Variants in SAMD5 observed in about 807,000 individuals in gnomAD.
SAMD5 encodes sterile alpha motif domain containing 5.
A neutral mutation model predicts 11.3 loss-of-function variants in SAMD5; 13 were observed. The observed-to-expected ratio is 1.15, with a 90% CI of 0.75 to 1.83. The LOEUF (loss-of-function observed/expected upper bound fraction) is 1.83. Ranked by LOEUF, SAMD5 falls within the 40% of genes most tolerant of loss-of-function variation. The pLI, the probability that SAMD5 is intolerant of heterozygous loss-of-function variation, is 0.00. For synonymous variants in SAMD5, 129 were observed against 111.3 expected (o/e 1.16, Z -1.00); for missense variants, 255 against 239.1 (o/e 1.07, Z -0.44).
At chr6:147,837,079 T>C in the SAMD5 span, among the ~76,000 whole-genome samples, 1 of 152,230 alleles carries the variant, frequency 6.6e-6, no homozygotes, top group African/African-American at 2.4e-5. Context: ...TTCCTAGAGA[T>C]AGACTCACAT....
chr6:147,656,917 T>A (rs572783255), intron 1 of SAMD5, among the ~76,000 whole-genome samples: 1 of 152,034 alleles, frequency 6.6e-6, no homozygotes, highest in East Asian at 1.9e-4. Context: ...TGTGTGTGTG[T>A]GTGTGTGTGT....
chr6:147,584,619 G>T (rs73578628), intron 1 of SAMD5, among the ~76,000 whole-genome samples: 3,196 of 152,320 alleles, frequency 0.021, 109 homozygotes, highest in African/African-American at 0.073. Context: ...AGTGCCAGCT[G>T]TAGGTGGCAT....
At chr6:147,795,784 T>A in the SAMD5 span, among the ~76,000 whole-genome samples, 1 of 149,918 alleles carries the variant, frequency 6.7e-6, no homozygotes, top group South Asian at 2.1e-4. Flanking sequence ...GGTATCTCAT[T>A]GTGGTTTTGA....
the SAMD5 span, among the ~76,000 whole-genome samples, chr6:147,859,233 G>A: frequency 1.1e-4 from 16 of 152,164 alleles, no homozygotes; most frequent in African/African-American, 3.4e-4. Flanking sequence ...ATAGGGGGAC[G>A]TGATTTACTA....
intron 1 of SAMD5, among the ~76,000 whole-genome samples, chr6:147,640,326 C>CAA (rs752696622): frequency 4.3e-4 from 52 of 121,736 alleles, no homozygotes; most frequent in African/African-American, 1.5e-3. Flanking sequence ...GACTTCATCT[C>CAA]AAAAAAAAAA....
chr6:147,566,190 T>C lies in SAMD5; in HGVS notation c.*1734T>C, dbSNP rs1789037475. 2 of 977,864 alleles carry C rather than the reference T, an allele frequency of 2.0e-6. No homozygotes were observed. The highest frequency in any genetic ancestry group is 2.4e-6 in the Non-Finnish European group (2 of 823,124). The allele number at this position is 977,864 out of a possible 1,614,324, so 60.6% of individuals were successfully genotyped here. On this transcript the variant is annotated 3_prime_UTR_variant, in exon 2 of 2. Coordinates refer to ENST00000367474, the MANE Select transcript of SAMD5 (RefSeq NM_001030060.3). ...AATCAGTCTCATTATCATATACAAA[T>C]GTAAGGAAGTTAAATTTTAAAAGCA... is the stretch of plus-strand genomic sequence containing the variant.
chr6:147,839,365 A>C, the SAMD5 span, among the ~76,000 whole-genome samples: 3,073 of 152,362 alleles, frequency 0.02, 60 homozygotes, highest in Non-Finnish European at 0.032. Flanking sequence ...AAATAAATCT[A>C]ATATAATGTT....
At chr6:147,726,369 ATTATT>A (rs1400885550) in intron 1 of SAMD5, among the ~76,000 whole-genome samples, 3 of 152,238 alleles carry the variant, frequency 2.0e-5, no homozygotes, top group Non-Finnish European at 4.4e-5. Context: ...ATTTACGTAT[ATTATT>A]TTATTCCTTA....
chr6:147,805,129 G>T, the SAMD5 span, among the ~76,000 whole-genome samples: 5 of 152,208 alleles, frequency 3.3e-5, no homozygotes, highest in African/African-American at 4.8e-5. Flanking sequence ...AGGAGAATCA[G>T]TTGTATGTAG....
the SAMD5 span, among the ~76,000 whole-genome samples, chr6:147,928,354 G>A: frequency 1.3e-5 from 2 of 152,046 alleles, no homozygotes; most frequent in Admixed American, 6.5e-5. Context: ...GCTCATTATT[G>A]GTCTGTTCAG....
the SAMD5 span, among the ~76,000 whole-genome samples, chr6:147,833,067 A>G: frequency 6.6e-6 from 1 of 152,216 alleles, no homozygotes; most frequent in African/African-American, 2.4e-5. Context: ...TGAAACTGAA[A>G]TCCCAGTGCC....
the SAMD5 span, among the ~76,000 whole-genome samples, chr6:147,844,782 T>C: frequency 6.6e-6 from 1 of 152,228 alleles, no homozygotes; most frequent in East Asian, 1.9e-4. Context: ...ATGATCTCAC[T>C]TATGTGAATC....
At chr6:147,778,268 T>C in the SAMD5 span, among the ~76,000 whole-genome samples, 1 of 152,184 alleles carries the variant, frequency 6.6e-6, no homozygotes, top group Non-Finnish European at 1.5e-5. Context: ...TTTCTATCCC[T>C]TTGGTGATCT....
the SAMD5 span, among the ~76,000 whole-genome samples, chr6:147,940,753 A>C: frequency 6.6e-6 from 1 of 152,106 alleles, no homozygotes; most frequent in Admixed American, 6.6e-5. Flanking sequence ...ACTTGAGGTC[A>C]GGAGTTAAGA....
chr6:147,554,332 T>A (rs1250624047), intron 1 of SAMD5, among the ~76,000 whole-genome samples: 1 of 152,088 alleles, frequency 6.6e-6, no homozygotes, highest in Non-Finnish European at 1.5e-5. Flanking sequence ...CCAAACCATA[T>A]CAACATGCAA....
chr6:147,910,002 T>C, the SAMD5 span, among the ~76,000 whole-genome samples: 2,961 of 152,208 alleles, frequency 0.019, 93 homozygotes, highest in African/African-American at 0.068. Flanking sequence ...TCTTGATGTA[T>C]GGTGACAATT....
chr6:147,516,606 TC>T (rs1788174854), intron 1 of SAMD5, among the ~76,000 whole-genome samples: 1 of 152,190 alleles, frequency 6.6e-6, no homozygotes, highest in African/African-American at 2.4e-5. Context: ...TCTTTACAGT[TC>T]TGGAGGCTAT....
chr6:147,600,272 C>A (rs1414363624), intron 1 of SAMD5, among the ~76,000 whole-genome samples: 1 of 152,178 alleles, frequency 6.6e-6, no homozygotes, highest in Non-Finnish European at 1.5e-5. Flanking sequence ...CCCCTCGTCT[C>A]CCAGGTATCT....
chr6:147,803,493 C>G, the SAMD5 span, among the ~76,000 whole-genome samples: 16 of 152,158 alleles, frequency 1.1e-4, no homozygotes, highest in Non-Finnish European at 1.3e-4. Flanking sequence ...TGATAATACT[C>G]ACAATTAGAA....
Sources: allele counts gnomAD v4.1 joint callset (sites outside exome capture counted in the v4.1 genomes callset), GRCh38; gene constraint gnomAD v4.1.1; transcripts MANE v1.5; gene names NCBI Gene and HGNC (gene_info 2026-07-23, HGNC 2026-07-21).